Variants in SMIM20 observed in about 807,000 individuals in gnomAD.
The protein encoded by SMIM20 is mitochondrial translation regulation assembly intermediate of cytochrome c oxidase protein of 7 kDa.
In SMIM20, 3 loss-of-function variants were observed where a neutral mutation model predicts 8.7. That is an observed-to-expected ratio of 0.34 (90% CI 0.16 to 0.89). The LOEUF (loss-of-function observed/expected upper bound fraction) is 0.89. Ranked by LOEUF, SMIM20 falls within the 40% of genes least tolerant of loss-of-function variation. The pLI is 0.49. For missense variants in SMIM20, 85 were observed against 84.8 expected (o/e 1.00, Z -0.01); for synonymous variants, 44 against 33.6 (o/e 1.31, Z -1.07).
chr4:25,917,779 AC>A (rs1719115883), intron 1 of SMIM20, among the ~76,000 whole-genome samples: 2 of 151,742 alleles, frequency 1.3e-5, no homozygotes, highest in African/African-American at 4.9e-5. Flanking sequence ...CCCACCTACT[AC>A]CCATTCTCTA....
At chr4:25,922,054 G>C (rs745812658) in intron 1 of SMIM20, among the ~76,000 whole-genome samples, 1 of 152,228 alleles carries the variant, frequency 6.6e-6, no homozygotes, top group Non-Finnish European at 1.5e-5. Context: ...TGGTTTGGAA[G>C]TAGGCAGAAG....
intron 1 of SMIM20, chr4:25,928,078 G>C: frequency 5.4e-6 from 2 of 368,278 alleles, no homozygotes; most frequent in African/African-American, 2.1e-5. Flanking sequence ...TGTTAGTTGG[G>C]GAGCTTTTCT....
At chr4:25,920,388 A>G (rs185495128) in intron 1 of SMIM20, among the ~76,000 whole-genome samples, 1 of 152,288 alleles carries the variant, frequency 6.6e-6, no homozygotes, top group Admixed American at 6.5e-5. Context: ...ACAAAAGTTT[A>G]AAAAGGAAAA....
At chr4:25,918,096 C>T (rs1382203091) in intron 1 of SMIM20, among the ~76,000 whole-genome samples, 1 of 152,062 alleles carries the variant, frequency 6.6e-6, no homozygotes, top group African/African-American at 2.4e-5. Flanking sequence ...GTGCCCGCCA[C>T]CACGCCCGGC....
intron 2 of SMIM20, 142 bp downstream of exon 2, chr4:25,928,511 C>T: frequency 1.2e-6 from 1 of 802,950 alleles, no homozygotes; most frequent in South Asian, 2.3e-5. Flanking sequence ...ATTTATTTCT[C>T]AACAGTTGCC....
rs549348707 is a variant in SMIM20, at chr4:25,914,334, C to A, written c.21C>A (p.Thr7=). The A allele has an allele frequency of 6.4e-7, 1 of 1,550,614 alleles. No individual in the cohort carries two copies. Among genetic ancestry groups the A allele is most frequent in the Non-Finnish European group, 8.7e-7 (1 of 1,146,274 alleles). Residue 7 remains threonine (T), a synonymous_variant, in exon 1 of 3, where the codon ACC becomes ACA. Coordinates refer to ENST00000506197, the MANE Select transcript of SMIM20 (RefSeq NM_001145432.3). The part of the protein sequence containing the change: MSRNLR[T]ALIFGGFISL... ...ACGCCATGTCCCGGAACCTGCGCAC[C>A]GCGCTCATTTTCGGCGGCTTCATCT...
intron 1 of SMIM20, among the ~76,000 whole-genome samples, chr4:25,927,867 A>G (rs1475640883): frequency 6.6e-6 from 1 of 152,228 alleles, no homozygotes; most frequent in Admixed American, 6.5e-5. Context: ...TATCAAAAAC[A>G]TAGCATATTT....
intron 2 of SMIM20, 58 bp downstream of exon 2, chr4:25,928,427 GT>G: frequency 6.7e-7 from 1 of 1,490,684 alleles, no homozygotes; most frequent in Non-Finnish European, 9.0e-7. Context: ...TGTTGTGCGG[GT>G]TTGTGTGTGT....
intron 1 of SMIM20, among the ~76,000 whole-genome samples, chr4:25,925,027 A>G (rs1321149600): frequency 6.6e-6 from 1 of 152,220 alleles, no homozygotes; most frequent in Non-Finnish European, 1.5e-5. Context: ...AATGAATTTA[A>G]TGTTTAGACT....
chr4:25,916,920 A>G (rs551266862), intron 1 of SMIM20, among the ~76,000 whole-genome samples: 2 of 152,194 alleles, frequency 1.3e-5, no homozygotes, highest in Non-Finnish European at 2.9e-5. Context: ...AAACAGGTAA[A>G]TATTGCTGAA....
intron 2 of SMIM20, 56 bp downstream of exon 2, chr4:25,928,425 G>A (rs1420547840): frequency 1.4e-5 from 21 of 1,503,614 alleles, no homozygotes; most frequent in Middle Eastern, 1.7e-4. Context: ...TGTGTTGTGC[G>A]GGTTTGTGTG....
chr4:25,919,338 G>A (rs1460727118), intron 1 of SMIM20, among the ~76,000 whole-genome samples: 1 of 151,414 alleles, frequency 6.6e-6, no homozygotes, highest in Non-Finnish European at 1.5e-5. Context: ...ACCTCATTTT[G>A]TGTCTTCTTT....
At chr4:25,918,424 C>T (rs1719134826) in intron 1 of SMIM20, among the ~76,000 whole-genome samples, 1 of 152,080 alleles carries the variant, frequency 6.6e-6, no homozygotes, top group Admixed American at 6.5e-5. Flanking sequence ...ATAATTTTTT[C>T]TAATTATCAT....
intron 1 of SMIM20, among the ~76,000 whole-genome samples, chr4:25,920,133 A>G (rs911535521): frequency 6.6e-6 from 1 of 152,182 alleles, no homozygotes; most frequent in Non-Finnish European, 1.5e-5. Flanking sequence ...TCCAAATTTA[A>G]TCATCTCACT....
chr4:25,916,865 G>A (rs746504820), intron 1 of SMIM20, among the ~76,000 whole-genome samples: 2 of 152,212 alleles, frequency 1.3e-5, no homozygotes, highest in Non-Finnish European at 2.9e-5. Context: ...AATGGGCAGA[G>A]CGTTTACACA....
chr4:25,928,995 CCAT>C (rs1349718520), intron 2 of SMIM20, among the ~76,000 whole-genome samples, 156 bp from the exon 3 acceptor site: 1 of 152,194 alleles, frequency 6.6e-6, no homozygotes, highest in East Asian at 1.9e-4. Flanking sequence ...GGCTTCCTGG[CCAT>C]TTAATGCCAA....
chr4:25,929,140 G>A lies in SMIM20; in HGVS notation c.167-14G>A. The A allele has an allele frequency of 6.4e-7, 1 of 1,551,472 alleles. No individual in the cohort carries two copies. The highest frequency in any genetic ancestry group is 8.7e-7 in the Non-Finnish European group (1 of 1,146,768). ...AAAAATGAATCCTGTTTTTGTTCCT[G>A]TTTCTTTCCATAGGGTTAAAAGTGT... On this transcript the variant is annotated splice_polypyrimidine_tract_variant and intron_variant, in intron 2 of 2. Coordinates refer to ENST00000506197, the MANE Select transcript of SMIM20 (RefSeq NM_001145432.3).
At chr4:25,921,762 G>A (rs756901776) in intron 1 of SMIM20, among the ~76,000 whole-genome samples, 3 of 152,126 alleles carry the variant, frequency 2.0e-5, no homozygotes, top group Admixed American at 6.5e-5. Context: ...AAGCTGGCCC[G>A]GGGCAGTGTG....
chr4:25,918,886 T>C (rs1038091317), intron 1 of SMIM20, among the ~76,000 whole-genome samples: 1 of 144,660 alleles, frequency 6.9e-6, no homozygotes, highest in Non-Finnish European at 1.5e-5. Context: ...CTTATGTGAA[T>C]ATCTTTTTTT....
Sources: allele counts gnomAD v4.1 joint callset (sites outside exome capture counted in the v4.1 genomes callset), GRCh38; gene constraint gnomAD v4.1.1; transcripts MANE v1.5; gene names NCBI Gene and HGNC (gene_info 2026-07-23, HGNC 2026-07-21).